Variants in GSX1 observed in about 807,000 individuals in gnomAD.
GSX1 encodes GS homeobox 1.
Under a neutral mutation model 17.7 loss-of-function variants are expected in GSX1, and 13 were observed. That is an observed-to-expected ratio of 0.74 (90% CI 0.48 to 1.17). GSX1 has a LOEUF of 1.17. GSX1 is among the 50% of genes most tolerant of loss of function. The probability of loss-of-function intolerance (pLI) is 0.00; values close to 1 mark genes in which losing one functional copy is unlikely to be tolerated. For synonymous variants in GSX1, 202 were observed against 176.2 expected (o/e 1.15, Z -1.16); for missense variants, 371 against 372.1 (o/e 1.00, Z 0.02).
rs1957088443 is a variant in GSX1, at chr13:27,794,548, G to C, written c.*600G>C. ...AGTCAGTCCATTTGTCCCTTGATCT[G>C]GCCTTGCTGTCCTCAGTCCCCACGG... On this transcript the variant is annotated 3_prime_UTR_variant, in exon 2 of 2. Transcript: ENST00000302945. 1 of 151,916 alleles carries C rather than the reference G, an allele frequency of 6.6e-6. No homozygotes were observed. Among genetic ancestry groups the C allele is most frequent in the South Asian group, 2.1e-4 (1 of 4,810 alleles). 9.4% of individuals were successfully genotyped at this position (151,916 alleles called of 1,614,324 possible). A position where few individuals can be genotyped will look rare whatever the true frequency, so the allele number is the denominator to read the frequency against.
At position 27,793,751 on chromosome 13, in the gene GSX1, G is replaced by C. The variant is rs1957081408; in HGVS notation, c.598G>C (p.Val200Leu). The C allele has an allele frequency of 6.2e-7, 1 of 1,614,092 alleles. No homozygotes were observed. Residue 200 changes from valine to leucine, a missense_variant, in exon 2 of 2, where the codon GTG (valine) becomes CTG (leucine). By Grantham distance (32) the Val-to-Leu change is conservative. Coordinates refer to ENST00000302945, the MANE Select transcript of GSX1 (RefSeq NM_145657.3). This position sits in a 1 kb window ranked among gnomAD's most constrained non-coding sequence, Gnocchi z 6.2. ...GAAGATCTGGTTTCAGAACCGCCGA[G>C]TGAAGCACAAGAAGGAGGGCAAGGG... Reference protein sequence around the residue: ...QVKIWFQNRRVKHKKEGKGSN... With the variant: ...QVKIWFQNRRLKHKKEGKGSN...
In GSX1 at chr13:27,792,614, G is replaced by C. The variant is rs1593330053; in HGVS notation, c.-77G>C. The C allele has an allele frequency of 8.1e-6, 10 of 1,230,570 alleles. No individual in the cohort carries two copies. The South Asian group carries it at 1.7e-4, about 21-fold the overall frequency. 76.2% of individuals were successfully genotyped at this position (1,230,570 alleles called of 1,614,324 possible). On this transcript the variant is annotated 5_prime_UTR_variant, in exon 1 of 2. Coordinates refer to ENST00000302945, the MANE Select transcript of GSX1 (RefSeq NM_145657.3). ...GGCAGCTGCGGGATACCGCGGCCAGGGAAAGCGCGTGGAGAGCCGAAAGGT... is the reference window on the plus strand; with the variant it reads ...GGCAGCTGCGGGATACCGCGGCCAGCGAAAGCGCGTGGAGAGCCGAAAGGT...
Position 27,792,844 on chromosome 13 carries a change from G to T in GSX1, c.154G>T (p.Ala52Ser). The change falls in exon 1 of 2, where the codon GCT becomes TCT. Residue 52 changes from alanine to serine, a missense_variant. Physicochemically the swap from Ala to Ser is moderately conservative, Grantham distance 99. This residue lies in a region of GSX1 where 212 missense variants were observed against 193.9 expected (regional missense o/e 1.09). Transcript: ENST00000302945. ...LSPGACHARK[A>S]GLLCVCPLCV... Reference sequence around the variant, plus strand: ...GCCTGGCGCCTGCCACGCGCGCAAGGCTGGGCTGCTGTGCGTGTGCCCGCT... The same window carrying T: ...GCCTGGCGCCTGCCACGCGCGCAAGTCTGGGCTGCTGTGCGTGTGCCCGCT... The T allele has an allele frequency of 1.3e-6, 2 of 1,515,106 alleles. No individual in the cohort carries two copies. The highest frequency in any genetic ancestry group is 1.8e-6 in the Non-Finnish European group (2 of 1,138,736). The allele number at this position is 1,515,106 out of a possible 1,614,324, so 93.9% of individuals were successfully genotyped here.
Position 27,794,722 on chromosome 13 carries a change from C to A in GSX1, c.*774C>A, listed in dbSNP as rs1957089489. 6.6e-6 allele frequency: 1 copy of A among 152,254 alleles called. No individual in the cohort carries two copies. The highest frequency in any genetic ancestry group is 2.1e-4 in the South Asian group (1 of 4,828). 9.4% of individuals were successfully genotyped at this position (152,254 alleles called of 1,614,324 possible). A position where few individuals can be genotyped will look rare whatever the true frequency, so the allele number is the denominator to read the frequency against. ...ACTCTTCCCCCTCCAGACTCTGGCC[C>A]GCCCCAGCCTAGCTGTGTAATTGTA... On this transcript the variant is annotated 3_prime_UTR_variant, in exon 2 of 2. Coordinates refer to ENST00000302945, the MANE Select transcript of GSX1 (RefSeq NM_145657.3).
At position 27,794,203 on chromosome 13, in the gene GSX1, C is replaced by T; in HGVS notation, c.*255C>T. On this transcript the variant is annotated 3_prime_UTR_variant, in exon 2 of 2. Transcript: ENST00000302945. ...GAACACTGTAAGCGCTCGAGTCCTCCTGGGCAGTGCAGCACCGCGGCCCCC... is the reference window on the plus strand; with the variant it reads ...GAACACTGTAAGCGCTCGAGTCCTCTTGGGCAGTGCAGCACCGCGGCCCCC... The T allele has an allele frequency of 2.1e-6, 1 of 468,352 alleles. No individual in the cohort carries two copies. Among genetic ancestry groups the T allele is most frequent in the Non-Finnish European group, 3.8e-6 (1 of 266,568 alleles). 29.0% of individuals were successfully genotyped at this position (468,352 alleles called of 1,614,324 possible). A position where few individuals can be genotyped will look rare whatever the true frequency, so the allele number is the denominator to read the frequency against.
rs1156617616 is a variant in GSX1 at position 27,794,326 on chromosome 13, C to T, written c.*378C>T. On this transcript the variant is annotated 3_prime_UTR_variant, in exon 2 of 2. Coordinates refer to ENST00000302945, the MANE Select transcript of GSX1 (RefSeq NM_145657.3). ...TGGGCTTCCTCGCTTACTCTACTCTCCTCCGCTCTCGGTCAAGGTCGGCGG... is the reference window on the plus strand; with the variant it reads ...TGGGCTTCCTCGCTTACTCTACTCTTCTCCGCTCTCGGTCAAGGTCGGCGG... The T allele has an allele frequency of 5.0e-6, 1 of 198,672 alleles. No individual in the cohort carries two copies. The highest frequency in any genetic ancestry group is 1.0e-5 in the Non-Finnish European group (1 of 99,332). The allele number at this position is 198,672 out of a possible 1,614,324, so 12.3% of individuals were successfully genotyped here.
chr13:27,793,969 C>T lies in GSX1; in HGVS notation c.*21C>T, dbSNP rs1203151338. The T allele has an allele frequency of 6.5e-7, 1 of 1,529,086 alleles. No homozygotes were observed. Among genetic ancestry groups the T allele is most frequent in the Admixed American group, 2.1e-5 (1 of 48,770 alleles). 94.7% of individuals were successfully genotyped at this position (1,529,086 alleles called of 1,614,324 possible). ...CCTAGGCGCGTGTCTCCCTAGGTCG[C>T]CCACCCCAAGACCTCCCTGCGCCTC... On this transcript the variant is annotated 3_prime_UTR_variant, in exon 2 of 2. Coordinates refer to ENST00000302945, the MANE Select transcript of GSX1 (RefSeq NM_145657.3). The surrounding 1 kb of genome is among the most constrained non-coding windows in gnomAD (Gnocchi z 6.2).
chr13:27,792,515 T>C lies in GSX1; in HGVS notation c.-176T>C, dbSNP rs1003830011. 13 of 560,612 alleles carry C rather than the reference T, an allele frequency of 2.3e-5. No homozygotes were observed. Among genetic ancestry groups the C allele is most frequent in the African/African-American group, 4.0e-5 (2 of 50,386 alleles). The allele number at this position is 560,612 out of a possible 1,614,324, so 34.7% of individuals were successfully genotyped here. A position where few individuals can be genotyped will look rare whatever the true frequency, so the allele number is the denominator to read the frequency against. ...GCGCTGGCCAGCACCCCGCGCTCTTTGGGCGGTGCCCACGGCAGCAGAGGC... is the reference window on the plus strand; with the variant it reads ...GCGCTGGCCAGCACCCCGCGCTCTTCGGGCGGTGCCCACGGCAGCAGAGGC... On this transcript the variant is annotated 5_prime_UTR_variant, in exon 1 of 2. Transcript: ENST00000302945.
At position 27,793,402 on chromosome 13, in the gene GSX1, C is replaced by T. The variant is rs1957078947; in HGVS notation, c.413-164C>T. 6.6e-6 allele frequency among the ~76,000 whole-genome samples: 1 copy of T among 152,104 alleles called. No homozygotes were observed. The highest frequency in any genetic ancestry group is 2.1e-4 in the South Asian group (1 of 4,820). ...CATGACTCCGGGAGAATCAGGATCT[C>T]GGAGCTGGACAAGGAGCGCTCACTG... On this transcript the variant is annotated intron_variant, in intron 1 of 1. Transcript: ENST00000302945. The surrounding 1 kb of genome is among the most constrained non-coding windows in gnomAD (Gnocchi z 6.2).
rs1467643599 is a variant in GSX1, at chr13:27,793,652, G to T, written c.499G>T (p.Ala167Ser). ...GCTGCTAGAGCTGGAGCGCGAGTTC[G>T]CTTCTAATATGTACCTGTCCCGCCT... ...TQLLELEREF[A>S]SNMYLSRLRR... The change falls in exon 2 of 2, where the codon GCT becomes TCT. Residue 167 changes from alanine to serine, a missense_variant. By Grantham distance (99) the Ala-to-Ser change is moderately conservative. Around this residue, in one of 3 missense-constraint regions of GSX1, gnomAD observed 67 missense variants for 108.1 expected, o/e 0.62. Transcript: ENST00000302945. The surrounding 1 kb of genome is among the most constrained non-coding windows in gnomAD (Gnocchi z 6.2). 1 of 1,614,194 alleles carries T rather than the reference G, an allele frequency of 6.2e-7. No individual in the cohort carries two copies. Among genetic ancestry groups the T allele is most frequent in the Non-Finnish European group, 8.5e-7 (1 of 1,180,032 alleles).
Position 27,792,717 on chromosome 13 carries a change from G to T in GSX1, c.27G>T (p.Ser9=), listed in dbSNP as rs986406329. The part of the protein sequence containing the change: MPRSFLVD[S]LVLREAGEKK... The stretch of plus-strand genomic sequence containing the variant: ...TGCCGCGCTCCTTCCTGGTGGACTC[G>T]CTAGTGCTGCGCGAGGCGGGCGAGA... The change falls in exon 1 of 2, where the codon TCG becomes TCT. Residue 9 remains serine (S), a synonymous_variant. Coordinates refer to ENST00000302945, the MANE Select transcript of GSX1 (RefSeq NM_145657.3). 1.4e-6 allele frequency: 2 copies of T among 1,470,638 alleles called. No individual in the cohort carries two copies. The highest frequency in any genetic ancestry group is 5.8e-5 in the East Asian group (2 of 34,520). 91.1% of individuals were successfully genotyped at this position (1,470,638 alleles called of 1,614,324 possible).
Position 27,793,841 on chromosome 13 carries a change from A to G in GSX1, c.688A>G (p.Lys230Glu). The G allele has an allele frequency of 6.2e-7, 1 of 1,611,506 alleles. No homozygotes were observed. Among genetic ancestry groups the G allele is most frequent in the Non-Finnish European group, 8.5e-7 (1 of 1,178,514 alleles). ...TGGCGGGAGCGCACCGCAAGGCTGC[A>G]AGTGCGCATCGCTCTCCTCAGCCAA... is the stretch of plus-strand genomic sequence containing the variant. Reference protein sequence around the residue: ...GGGGSAPQGCKCASLSSAKCS... With the variant: ...GGGGSAPQGCECASLSSAKCS... The change falls in exon 2 of 2, where the codon AAG becomes GAG. Residue 230 changes from lysine (K) to glutamate (E), a missense_variant. This residue lies in a region of GSX1 where 92 missense variants were observed against 70.0 expected (regional missense o/e 1.31). Transcript: ENST00000302945. This position sits in a 1 kb window ranked among gnomAD's most constrained non-coding sequence, Gnocchi z 6.2.
chr13:27,792,714 C>T lies in GSX1; in HGVS notation c.24C>T (p.Asp8=). 6.9e-7 allele frequency: 1 copy of T among 1,450,806 alleles called. No individual in the cohort carries two copies. The highest frequency in any genetic ancestry group is 2.7e-5 in the Admixed American group (1 of 37,070). 89.9% of individuals were successfully genotyped at this position (1,450,806 alleles called of 1,614,324 possible). A position where few individuals can be genotyped will look rare whatever the true frequency, so the allele number is the denominator to read the frequency against. Residue 8 remains aspartate, a synonymous_variant, in exon 1 of 2, where the codon GAC becomes GAT. Transcript: ENST00000302945. MPRSFLV[D]SLVLREAGEK... ...CCATGCCGCGCTCCTTCCTGGTGGA[C>T]TCGCTAGTGCTGCGCGAGGCGGGCG...
At position 27,793,137 on chromosome 13, in the gene GSX1, A is replaced by T; in HGVS notation, c.412+35A>T. 2 of 1,482,220 alleles carry T rather than the reference A, an allele frequency of 1.3e-6. No individual in the cohort carries two copies. The highest frequency in any genetic ancestry group is 1.8e-6 in the Non-Finnish European group (2 of 1,122,854). The allele number at this position is 1,482,220 out of a possible 1,614,324, so 91.8% of individuals were successfully genotyped here. The stretch of plus-strand genomic sequence containing the variant: ...GCCGCCGCGCAGAGGGACCGGGCAG[A>T]GGTGATCCGAAGCAGGATGGAGAGC... On this transcript the variant is annotated intron_variant, in intron 1 of 1. Transcript: ENST00000302945. This position sits in a 1 kb window ranked among gnomAD's most constrained non-coding sequence, Gnocchi z 6.2.
At position 27,793,963 on chromosome 13, in the gene GSX1, A is replaced by T; in HGVS notation, c.*15A>T. On this transcript the variant is annotated 3_prime_UTR_variant, in exon 2 of 2. Coordinates refer to ENST00000302945, the MANE Select transcript of GSX1 (RefSeq NM_145657.3). This position sits in a 1 kb window ranked among gnomAD's most constrained non-coding sequence, Gnocchi z 6.2. ...TCACTCCCTAGGCGCGTGTCTCCCT[A>T]GGTCGCCCACCCCAAGACCTCCCTG... The T allele has an allele frequency of 6.5e-7, 1 of 1,531,588 alleles. No homozygotes were observed. The highest frequency in any genetic ancestry group is 8.8e-7 in the Non-Finnish European group (1 of 1,139,654). 94.9% of individuals were successfully genotyped at this position (1,531,588 alleles called of 1,614,324 possible).
chr13:27,793,349 C>T lies in GSX1; in HGVS notation c.413-217C>T, dbSNP rs1957078455. Among the ~76,000 whole-genome samples, 1 of 152,026 alleles carries T rather than the reference C, an allele frequency of 6.6e-6. No homozygotes were observed. Among genetic ancestry groups the T allele is most frequent in the South Asian group, 2.1e-4 (1 of 4,820 alleles). On this transcript the variant is annotated intron_variant, in intron 1 of 1. Transcript: ENST00000302945. The surrounding 1 kb of genome is among the most constrained non-coding windows in gnomAD (Gnocchi z 6.2). ...AGTGAGGGCTGGGATCCAAGGCTCT[C>T]CATGAAGGGGAAGGGGTTCCAGGGC...
At position 27,794,528 on chromosome 13, in the gene GSX1, G is replaced by C. The variant is rs1255615621; in HGVS notation, c.*580G>C. ...CTCAGGGAGCCTCCTCCTTCAGTCAGTCCATTTGTCCCTTGATCTGGCCTT... is the reference window on the plus strand; with the variant it reads ...CTCAGGGAGCCTCCTCCTTCAGTCACTCCATTTGTCCCTTGATCTGGCCTT... On this transcript the variant is annotated 3_prime_UTR_variant, in exon 2 of 2. Coordinates refer to ENST00000302945, the MANE Select transcript of GSX1 (RefSeq NM_145657.3). 4 of 151,800 alleles carry C rather than the reference G, an allele frequency of 2.6e-5. No individual in the cohort carries two copies. Among genetic ancestry groups the C allele is most frequent in the Admixed American group, 2.6e-4 (4 of 15,222 alleles). 9.4% of individuals were successfully genotyped at this position (151,800 alleles called of 1,614,324 possible). A position where few individuals can be genotyped will look rare whatever the true frequency, so the allele number is the denominator to read the frequency against.
At position 27,792,809 on chromosome 13, in the gene GSX1, A is replaced by G; in HGVS notation, c.119A>G (p.His40Arg). The G allele has an allele frequency of 6.6e-7, 1 of 1,506,254 alleles. No homozygotes were observed. Among genetic ancestry groups the G allele is most frequent in the Middle Eastern group, 2.3e-4 (1 of 4,348 alleles). The allele number at this position is 1,506,254 out of a possible 1,614,324, so 93.3% of individuals were successfully genotyped here. A position where few individuals can be genotyped will look rare whatever the true frequency, so the allele number is the denominator to read the frequency against. The change falls in exon 1 of 2, where the codon CAC (histidine) becomes CGC (arginine). Residue 40 changes from histidine (H) to arginine (R), a missense_variant. By Grantham distance (29) the His-to-Arg change is conservative. This residue lies in a region of GSX1 where 212 missense variants were observed against 193.9 expected (regional missense o/e 1.09). Coordinates refer to ENST00000302945, the MANE Select transcript of GSX1 (RefSeq NM_145657.3). The part of the protein sequence containing the change: ...PYAVPPPHAL[H>R]GLSPGACHAR... ...GCTGTGCCCCCGCCGCACGCGCTGC[A>G]CGGTCTCTCGCCTGGCGCCTGCCAC...
Position 27,793,721 on chromosome 13 carries a change from C to G in GSX1, c.568C>G (p.Gln190Glu). The G allele has an allele frequency of 1.2e-6, 2 of 1,614,236 alleles. No individual in the cohort carries two copies. The highest frequency in any genetic ancestry group is 1.7e-6 in the Non-Finnish European group (2 of 1,180,044). Residue 190 changes from glutamine to glutamate, a missense_variant, in exon 2 of 2, where the codon CAG (glutamine) becomes GAG (glutamate). Around this residue, in one of 3 missense-constraint regions of GSX1, gnomAD observed 67 missense variants for 108.1 expected, o/e 0.62. Coordinates refer to ENST00000302945, the MANE Select transcript of GSX1 (RefSeq NM_145657.3). The surrounding 1 kb of genome is among the most constrained non-coding windows in gnomAD (Gnocchi z 6.2). ...IATYLNLSEK[Q>E]VKIWFQNRRV... ...GACCTACCTGAATCTGTCCGAGAAGCAGGTGAAGATCTGGTTTCAGAACCG... is the reference window on the plus strand; with the variant it reads ...GACCTACCTGAATCTGTCCGAGAAGGAGGTGAAGATCTGGTTTCAGAACCG...
Sources: allele counts gnomAD v4.1 joint callset (sites outside exome capture counted in the v4.1 genomes callset), GRCh38; gene constraint gnomAD v4.1.1; regional missense constraint gnomAD v4.1.1; non-coding constraint Gnocchi (gnomAD v3.1); transcripts MANE v1.5; gene names NCBI Gene and HGNC (gene_info 2026-07-23, HGNC 2026-07-21).